The following GRAMD4 variants were observed in gnomAD, a reference collection of about 807,000 sequenced individuals.
GRAMD4 encodes GRAM domain containing 4, also known as GRAM domain-containing protein 4.
A neutral mutation model predicts 83.9 loss-of-function variants in GRAMD4; 25 were observed. That is an observed-to-expected ratio of 0.30 (90% CI 0.22 to 0.42). The LOEUF (loss-of-function observed/expected upper bound fraction) is 0.42. Ranked by LOEUF, GRAMD4 falls within the 10% of genes least tolerant of loss-of-function variation. GRAMD4 has a pLI of 1.00. For synonymous variants in GRAMD4, 336 were observed against 320.9 expected, an observed-to-expected ratio of 1.05 and a Z score of -0.50; for missense variants, 593 against 788.7, an observed-to-expected ratio of 0.75 and a Z score of 2.97.
In GRAMD4 at chr22:46,622,970, C is replaced by T. The variant is rs1443980994; in HGVS notation, c.-50+2405C>T. 1.3e-5 allele frequency among the ~76,000 whole-genome samples: 2 copies of T among 150,856 alleles called. No homozygotes were observed. The highest frequency in any genetic ancestry group is 2.9e-5 in the Non-Finnish European group (2 of 67,826). ...TAATATTTATATTATGTGTGTTTTA[C>T]CGTAATTAAAAAATATTGTGGGAAA... is the stretch of plus-strand genomic sequence containing the variant. On this transcript the variant is annotated intron_variant, in intron 1 of 18. Transcript: ENST00000406902. The surrounding 1 kb of genome is among the most constrained non-coding windows in gnomAD (Gnocchi z 4.0).
intron 1 of GRAMD4, among the ~76,000 whole-genome samples, chr22:46,593,260 C>T (rs935456873): frequency 8.5e-5 from 13 of 152,114 alleles, no homozygotes; most frequent in African/African-American, 2.9e-4. Flanking sequence ...GGATTCTCCC[C>T]TGCCTGGTTC....
intron 2 of GRAMD4, among the ~76,000 whole-genome samples, chr22:46,633,691 G>A (rs566956741): frequency 6.6e-5 from 10 of 152,356 alleles, no homozygotes; most frequent in East Asian, 3.9e-4. Context: ...AGAAGAATGG[G>A]GTCCTCTCTC....
downstream of GRAMD4, among the ~76,000 whole-genome samples, chr22:46,681,450 C>T (rs920870819): frequency 1.6e-4 from 24 of 152,248 alleles, no homozygotes; most frequent in Non-Finnish European, 2.6e-4. Context: ...CCTTGGCAAT[C>T]GTGCATGTTT....
intron 1 of GRAMD4, among the ~76,000 whole-genome samples, chr22:46,586,069 C>T (rs1199904630): frequency 6.6e-6 from 1 of 151,980 alleles, no homozygotes; most frequent in East Asian, 1.9e-4. Flanking sequence ...TGGAGTGTGT[C>T]TAAGGAAGCA....
At chr22:46,618,235 C>T (rs534065822), upstream of GRAMD4, among the ~76,000 whole-genome samples, 190 of 152,238 alleles carry the variant, frequency 1.2e-3, 1 homozygote, top group Admixed American at 1.9e-3. This position sits in a 1 kb window ranked among gnomAD's most constrained non-coding sequence, Gnocchi z 5.8. Context: ...CCGGCAGAGC[C>T]GAGCCCCTGG....
chr22:46,639,473 C>G (rs374460475), intron 3 of GRAMD4, among the ~76,000 whole-genome samples: 463 of 150,036 alleles, frequency 3.1e-3, no homozygotes, highest in African/African-American at 1.0e-2. Context: ...TGTGAGTGCA[C>G]ATGTGCGGCA....
In GRAMD4 at chr22:46,676,583, C is replaced by G; in HGVS notation, c.1564-17C>G. 1 of 1,548,736 alleles carries G rather than the reference C, an allele frequency of 6.5e-7. No individual in the cohort carries two copies. The highest frequency in any genetic ancestry group is 8.7e-7 in the Non-Finnish European group (1 of 1,146,322). On this transcript the variant is annotated splice_polypyrimidine_tract_variant and intron_variant, in intron 17 of 18. Transcript: ENST00000406902. ...CCCAGGAGAGACCTGTGGTGACGGCCACGCTTTGCCTTTCAGTACAAGGTC... is the reference window on the plus strand; with the variant it reads ...CCCAGGAGAGACCTGTGGTGACGGCGACGCTTTGCCTTTCAGTACAAGGTC...
At chr22:46,680,594 CCACCCACCCATTCAT>C (rs2082659228), downstream of GRAMD4, among the ~76,000 whole-genome samples, 1 of 130,126 alleles carries the variant, frequency 7.7e-6, no homozygotes, top group Non-Finnish European at 1.7e-5. Flanking sequence ...ATCCATCCAT[CCACCCACCCATTCAT>C]CCATCCACCC....
chr22:46,674,748 G>A lies in GRAMD4; in HGVS notation c.1476G>A (p.Glu492=). ...GGAACGGGGTGCTCTACGTCACGGA[G>A]AAGTGAGTGCAGCCGTGGGGCCCTG... ...YIRNGVLYVT[E]NYLCFESSKS... Residue 492 remains glutamate (E), a splice_region_variant and synonymous_variant, in exon 16 of 19, where the codon GAG becomes GAA. Transcript: ENST00000406902. 1 of 1,604,552 alleles carries A rather than the reference G, an allele frequency of 6.2e-7. No individual in the cohort carries two copies.
At chr22:46,675,400 A>G (rs2082581737) in intron 16 of GRAMD4, 68 bp from the exon 17 acceptor site, 1 of 1,042,838 alleles carries the variant, frequency 9.6e-7, no homozygotes, top group Admixed American at 1.7e-5. Context: ...GCCCCGGGAG[A>G]CCCCCACCTG....
rs1029593306 is a variant in GRAMD4 at position 46,622,629 on chromosome 22, T to C, written c.-50+2064T>C. ...AGCTGCACGCTAAAAACTGGTGAAG[T>C]TGGGCTGAGCACGGCGGCTCACGCC... is the stretch of plus-strand genomic sequence containing the variant. On this transcript the variant is annotated intron_variant, in intron 1 of 18. Coordinates refer to ENST00000406902, the MANE Select transcript of GRAMD4 (RefSeq NM_015124.5). This position sits in a 1 kb window ranked among gnomAD's most constrained non-coding sequence, Gnocchi z 4.0. 2.6e-5 allele frequency among the ~76,000 whole-genome samples: 4 copies of C among 152,048 alleles called. No individual in the cohort carries two copies. Among genetic ancestry groups the C allele is most frequent in the Non-Finnish European group, 5.9e-5 (4 of 68,006 alleles).
intron 3 of GRAMD4, among the ~76,000 whole-genome samples, chr22:46,644,735 A>C (rs955057197): frequency 1.1e-4 from 4 of 36,382 alleles, no homozygotes; most frequent in Non-Finnish European, 2.3e-4. Flanking sequence ...TTTTTTTTTT[A>C]CTTTGTTTTG....
At chr22:46,624,316 C>T (rs5767309) in intron 1 of GRAMD4, among the ~76,000 whole-genome samples, 42,627 of 129,490 alleles carry the variant, frequency 0.33, 7,999 homozygotes, top group East Asian at 0.58. Context: ...CTACTAAGTT[C>T]CCTCTTCCTT....
intron 4 of GRAMD4, among the ~76,000 whole-genome samples, chr22:46,660,458 G>A (rs1019350206): frequency 5.9e-5 from 9 of 152,136 alleles, no homozygotes; most frequent in African/African-American, 2.2e-4. Flanking sequence ...GTGGGTAGGT[G>A]TGTGAGGGCA....
chr22:46,659,330 G>A lies in GRAMD4; in HGVS notation c.404+1023G>A, dbSNP rs1326103871. ...TCCGTCCTCAGACTCCACTCCCTCA[G>A]CCTCCCCACTCAGGTTCCACTCAGC... On this transcript the variant is annotated intron_variant, in intron 4 of 18. Transcript: ENST00000406902. The surrounding 1 kb of genome is among the most constrained non-coding windows in gnomAD (Gnocchi z 4.1). 1.3e-5 allele frequency among the ~76,000 whole-genome samples: 2 copies of A among 151,090 alleles called. No homozygotes were observed. Among genetic ancestry groups the A allele is most frequent in the African/African-American group, 4.9e-5 (2 of 41,028 alleles).
intron 1 of GRAMD4, among the ~76,000 whole-genome samples, chr22:46,578,113 A>G (rs1021111998): frequency 4.6e-5 from 7 of 152,054 alleles, no homozygotes; most frequent in Non-Finnish European, 4.4e-5. Context: ...TTTTTCGGCT[A>G]TTGTCAACCC....
intron 1 of GRAMD4, among the ~76,000 whole-genome samples, chr22:46,613,785 G>GCGGGCTGCC (rs2081441545): frequency 6.6e-6 from 1 of 152,228 alleles, no homozygotes; most frequent in South Asian, 2.1e-4. Flanking sequence ...TGCCCTGGAG[G>GCGGGCTGCC]CGGGCTGCCC....
chr22:46,615,551 A>C (rs188692489), upstream of GRAMD4, among the ~76,000 whole-genome samples: 2 of 102,598 alleles, frequency 1.9e-5, no homozygotes, highest in Non-Finnish European at 3.8e-5. Context: ...CCCTGTGTGT[A>C]GGTTCCCCTG....
At chr22:46,592,581 A>G (rs890207544) in intron 1 of GRAMD4, among the ~76,000 whole-genome samples, 5 of 152,184 alleles carry the variant, frequency 3.3e-5, no homozygotes, top group Admixed American at 6.5e-5. Context: ...ACTTTCCTGA[A>G]TGTTTTCACT....
Sources: gnomAD v4.1 joint callset for allele counts (sites outside exome capture counted in the v4.1 genomes callset) on GRCh38, gnomAD v4.1.1 for gene constraint, Gnocchi (gnomAD v3.1) non-coding constraint, MANE v1.5 for transcripts, NCBI Gene and HGNC (gene_info 2026-07-23, HGNC 2026-07-21) for gene names.